SHROOM4: variants seen among roughly 807,000 people sequenced by gnomAD.
SHROOM4 encodes protein Shroom4.
Under a neutral mutation model 80.3 loss-of-function variants are expected in SHROOM4, and 17 were observed. That is an observed-to-expected ratio of 0.21 (90% CI 0.14 to 0.32). SHROOM4 has a LOEUF of 0.32. Among genes scored for constraint, SHROOM4 ranks in the 10% least tolerant of loss-of-function variants. The pLI is 1.00. For missense variants in SHROOM4, 993 were observed against 1,140.3 expected (o/e 0.87, Z 1.86); for synonymous variants, 400 against 437.5 (o/e 0.91, Z 1.07).
chrX:50,586,406 T>C (rs1242539959), downstream of SHROOM4, among the ~76,000 whole-genome samples: 2 of 111,911 alleles, frequency 1.8e-5, no homozygotes, highest in African/African-American at 6.5e-5. Flanking sequence ...TTAATTATCC[T>C]TTTCAGATAG....
chrX:50,698,552 T>C (rs1557263272), intron 1 of SHROOM4, among the ~76,000 whole-genome samples: 1 of 111,204 alleles, frequency 9.0e-6, no homozygotes, highest in African/African-American at 3.3e-5. Flanking sequence ...GACTAGCCCT[T>C]TTCCAGACCC....
At chrX:50,737,312 A>G (rs145227843) in intron 1 of SHROOM4, among the ~76,000 whole-genome samples, 3,107 of 111,082 alleles carry the variant, frequency 0.028, 94 homozygotes, top group African/African-American at 0.095. Context: ...GGAACAAAGT[A>G]GTCATGACAC....
chrX:50,624,678 T>A (rs1930725146), intron 5 of SHROOM4, among the ~76,000 whole-genome samples: 1 of 105,606 alleles, frequency 9.5e-6, no homozygotes, highest in Non-Finnish European at 1.9e-5. Flanking sequence ...GGTCATGTGA[T>A]CACAGCTCAC....
chrX:50,797,264 G>A (rs1251744802), intron 1 of SHROOM4, among the ~76,000 whole-genome samples: 8 of 111,416 alleles, frequency 7.2e-5, no homozygotes, highest in Non-Finnish European at 1.5e-4. Context: ...GAGTCTGAAT[G>A]GTTTGGAAAC....
rs1164336097 is a variant in SHROOM4, at chrX:50,813,760, C to A, written c.117+142G>T. On this transcript the variant is annotated intron_variant, in intron 1 of 8. Coordinates refer to ENST00000376020, the MANE Select transcript of SHROOM4 (RefSeq NM_020717.5). Reference sequence around the variant, plus strand: ...GTCTGCACCTGGACTGGTGGCAAGACCCCTCCGTGCCGCTCAGAGGGTCTT... The same window carrying A: ...GTCTGCACCTGGACTGGTGGCAAGAACCCTCCGTGCCGCTCAGAGGGTCTT... 8.5e-6 allele frequency: 4 copies of A among 472,527 alleles called. No individual in the cohort carries two copies. The Admixed American group carries it at 1.0e-4, about 12-fold the overall frequency. 38.9% of individuals were successfully genotyped at this position (472,527 alleles called of 1,213,427 possible). A position where few individuals can be genotyped will look rare whatever the true frequency, so the allele number is the denominator to read the frequency against.
chrX:50,612,107 T>C (rs782176948), intron 5 of SHROOM4, among the ~76,000 whole-genome samples: 3 of 107,691 alleles, frequency 2.8e-5, no homozygotes, highest in South Asian at 3.9e-4. Context: ...GAACAAGTGA[T>C]AGAATAATTA....
intron 7 of SHROOM4, among the ~76,000 whole-genome samples, chrX:50,601,004 G>A (rs1929370986): frequency 8.9e-6 from 1 of 112,099 alleles, no homozygotes; most frequent in African/African-American, 3.2e-5. Context: ...AGGGATAGAT[G>A]GAAGGATAAA....
At chrX:50,624,270 A>C (rs573410668) in intron 5 of SHROOM4, among the ~76,000 whole-genome samples, 2 of 111,776 alleles carry the variant, frequency 1.8e-5, no homozygotes, top group South Asian at 7.5e-4. Context: ...CTACCGCTTT[A>C]CTGAATTTGC....
At position 50,594,171 on chromosome X, in the gene SHROOM4, C is replaced by T. The variant is rs984970887; in HGVS notation, c.*2524G>A. The T allele has an allele frequency of 7.1e-5, 8 of 112,138 alleles. No homozygotes were observed. Among genetic ancestry groups the T allele is most frequent in the African/African-American group, 2.6e-4 (8 of 30,827 alleles). 9.2% of individuals were successfully genotyped at this position (112,138 alleles called of 1,213,427 possible). On this transcript the variant is annotated 3_prime_UTR_variant, in exon 9 of 9. Coordinates refer to ENST00000376020, the MANE Select transcript of SHROOM4 (RefSeq NM_020717.5). ...CTCACTGGCAGGCCTTGGAGGAGGG[C>T]TGAGCCCAGGAACTGAGAACAGGGG...
chrX:50,598,549 A>G lies in SHROOM4; in HGVS notation c.3943-14T>C. ...GATAAGCTGTATCTAGGGGAATTAA[A>G]CAGGAGAAGACAAAGGATGAGAATG... On this transcript the variant is annotated splice_polypyrimidine_tract_variant and intron_variant, in intron 7 of 8. Coordinates refer to ENST00000376020, the MANE Select transcript of SHROOM4 (RefSeq NM_020717.5). 8.3e-7 allele frequency: 1 copy of G among 1,198,678 alleles called. No individual in the cohort carries two copies. The highest frequency in any genetic ancestry group is 1.1e-6 in the Non-Finnish European group (1 of 888,215).
At chrX:50,637,724 A>G (rs1205269457) in intron 3 of SHROOM4, among the ~76,000 whole-genome samples, 3 of 112,107 alleles carry the variant, frequency 2.7e-5, no homozygotes, top group African/African-American at 9.7e-5. Context: ...ATGGTTATTC[A>G]GGAAGGTCCC....
In SHROOM4 at chrX:50,633,869, T is replaced by C; in HGVS notation, c.2204A>G (p.Gln735Arg). 5 of 1,212,069 alleles carry C rather than the reference T, an allele frequency of 4.1e-6. No individual in the cohort carries two copies. The highest frequency in any genetic ancestry group is 4.5e-6 in the Non-Finnish European group (4 of 895,610). Residue 735 changes from glutamine to arginine, a missense_variant, in exon 4 of 9, where the codon CAG becomes CGG. Transcript: ENST00000376020. ...TTCCATGGCTGCTGCCACAAGTGGC[T>C]GTGAATTATGCTCTGGAGACCATCT... ...HWRWSPEHNS[Q>R]PLVAAAMEGP... is the part of the protein sequence containing the mutation.
chrX:50,813,820 G>C lies in SHROOM4; in HGVS notation c.117+82C>G, dbSNP rs782587277. The C allele has an allele frequency of 6.5e-6, 5 of 764,010 alleles. No individual in the cohort carries two copies. In the East Asian group the frequency reaches 9.9e-5, roughly 15 times the overall value. The allele number at this position is 764,010 out of a possible 1,213,427, so 63.0% of individuals were successfully genotyped here. A position where few individuals can be genotyped will look rare whatever the true frequency, so the allele number is the denominator to read the frequency against. Reference sequence around the variant, plus strand: ...GCCCTAAGTTTCAAAGTTGGCCTGAGGGCCCCGTCCAGCGGCAGCCTTCGC... The same window carrying C: ...GCCCTAAGTTTCAAAGTTGGCCTGACGGCCCCGTCCAGCGGCAGCCTTCGC... On this transcript the variant is annotated intron_variant, in intron 1 of 8. Transcript: ENST00000376020.
chrX:50,737,196 C>A (rs782214877), intron 1 of SHROOM4, among the ~76,000 whole-genome samples: 1 of 110,454 alleles, frequency 9.1e-6, no homozygotes, highest in Non-Finnish European at 1.9e-5. Flanking sequence ...GCCAAAACAA[C>A]CACAATGAGA....
chrX:50,632,984 T>A (rs1436963972), intron 4 of SHROOM4, among the ~76,000 whole-genome samples, 194 bp downstream of exon 4: 1 of 112,612 alleles, frequency 8.9e-6, no homozygotes, highest in Non-Finnish European at 1.9e-5. Context: ...GTTACTTTTA[T>A]CTAACCCTAA....
chrX:50,632,516 C>T (rs143818291), intron 4 of SHROOM4, among the ~76,000 whole-genome samples: 1,532 of 111,575 alleles, frequency 0.014, 18 homozygotes, highest in Middle Eastern at 0.064. Context: ...TAGGTCATAA[C>T]CGGGATATAA....
chrX:50,730,655 G>C (rs1012659238), intron 1 of SHROOM4, among the ~76,000 whole-genome samples: 6 of 103,649 alleles, frequency 5.8e-5, no homozygotes, highest in Non-Finnish European at 1.2e-4. Flanking sequence ...CACACCTGTA[G>C]TCCCAGCCAC....
intron 1 of SHROOM4, among the ~76,000 whole-genome samples, chrX:50,800,587 G>A (rs147083774): frequency 0.017 from 1,887 of 111,279 alleles, 22 homozygotes; most frequent in Middle Eastern, 0.06. Flanking sequence ...TCCTTCCAAG[G>A]ATGCAGTGTG....
chrX:50,698,082 CA>C (rs1557263227), intron 1 of SHROOM4, among the ~76,000 whole-genome samples: 1 of 112,471 alleles, frequency 8.9e-6, no homozygotes, highest in African/African-American at 3.2e-5. Context: ...TTACCCATAG[CA>C]AGTCTTCCCC....
Sources: gnomAD v4.1 joint callset for allele counts (sites outside exome capture counted in the v4.1 genomes callset) on GRCh38, gnomAD v4.1.1 for gene constraint, MANE v1.5 for transcripts, NCBI Gene and HGNC (gene_info 2026-07-23, HGNC 2026-07-21) for gene names.